The following TNFSF4 variants were observed in gnomAD, a reference collection of about 807,000 sequenced individuals.
TNFSF4 encodes the protein tumor necrosis factor ligand superfamily member 4.
Under a neutral mutation model 7.3 loss-of-function variants are expected in TNFSF4, and 4 were observed. The observed-to-expected ratio is 0.55, with a 90% confidence interval of 0.27 to 1.25. TNFSF4 has a LOEUF of 1.25. TNFSF4 is among the 50% of genes most tolerant of loss of function. The pLI is 0.12. For missense variants in TNFSF4, 181 were observed against 208.8 expected (o/e 0.87, Z 0.82); for synonymous variants, 76 against 83.7 (o/e 0.91, Z 0.50).
chr1:173,408,047 C>A, the TNFSF4 span, among the ~76,000 whole-genome samples: 373 of 152,254 alleles, frequency 2.4e-3, 3 homozygotes, highest in Non-Finnish European at 3.7e-3. Flanking sequence ...CCCAACCATG[C>A]TGGCACCCTC....
the TNFSF4 span, among the ~76,000 whole-genome samples, chr1:173,335,108 G>T: frequency 2.0e-4 from 31 of 152,088 alleles, no homozygotes; most frequent in Non-Finnish European, 4.0e-4. Flanking sequence ...TGCAGCTCAG[G>T]GAGTTAAGAA....
At chr1:173,351,621 A>C in the TNFSF4 span, 1 of 229,538 alleles carries the variant, frequency 4.4e-6, no homozygotes, top group East Asian at 9.3e-5. Flanking sequence ...CAAAGATACA[A>C]TGTACCATAA....
At chr1:173,326,039 C>G in the TNFSF4 span, among the ~76,000 whole-genome samples, 1 of 152,102 alleles carries the variant, frequency 6.6e-6, no homozygotes, top group Non-Finnish European at 1.5e-5. Flanking sequence ...ATCCTAATAC[C>G]AAAGCCTGGC....
chr1:173,292,791 T>A, the TNFSF4 span, among the ~76,000 whole-genome samples: 1 of 152,036 alleles, frequency 6.6e-6, no homozygotes, highest in South Asian at 2.1e-4. Flanking sequence ...ATTACTTCAA[T>A]AAGGTTTCAG....
At chr1:173,324,073 A>C in the TNFSF4 span, among the ~76,000 whole-genome samples, 1 of 152,322 alleles carries the variant, frequency 6.6e-6, no homozygotes, top group East Asian at 1.9e-4. Flanking sequence ...GATTCACCAA[A>C]GTTGAAATGA....
At chr1:173,387,842 A>G in the TNFSF4 span, among the ~76,000 whole-genome samples, 1 of 152,234 alleles carries the variant, frequency 6.6e-6, no homozygotes, top group African/African-American at 2.4e-5. Flanking sequence ...CATATTTTAA[A>G]GCCATAAAAT....
At chr1:173,205,284 G>T (rs1303536076) in intron 1 of TNFSF4, 1 of 1,611,360 alleles carries the variant, frequency 6.2e-7, no homozygotes. Flanking sequence ...GACTATAGAA[G>T]CTAATTCTCC....
At chr1:173,290,524 T>C in the TNFSF4 span, among the ~76,000 whole-genome samples, 4 of 152,130 alleles carry the variant, frequency 2.6e-5, no homozygotes, top group African/African-American at 9.7e-5. Flanking sequence ...AAGAGTTCAA[T>C]TCAACAAGAA....
the TNFSF4 span, among the ~76,000 whole-genome samples, chr1:173,243,536 A>G: frequency 6.6e-6 from 1 of 152,232 alleles, no homozygotes; most frequent in Non-Finnish European, 1.5e-5. Context: ...TGGATACATG[A>G]ACCTGTTGGT....
At chr1:173,419,145 C>T in the TNFSF4 span, among the ~76,000 whole-genome samples, 1 of 152,140 alleles carries the variant, frequency 6.6e-6, no homozygotes, top group Non-Finnish European at 1.5e-5. Flanking sequence ...CGAGACCATC[C>T]TGGCTAACAC....
chr1:173,238,080 A>G, the TNFSF4 span, among the ~76,000 whole-genome samples: 1 of 152,202 alleles, frequency 6.6e-6, no homozygotes, highest in Admixed American at 6.5e-5. Flanking sequence ...ATGGAACAGA[A>G]TAGACAGCCC....
chr1:173,298,827 G>A, the TNFSF4 span, among the ~76,000 whole-genome samples: 1 of 151,980 alleles, frequency 6.6e-6, no homozygotes, highest in African/African-American at 2.4e-5. Flanking sequence ...ATTTTGGTAA[G>A]GACCCAGGTC....
chr1:173,204,049 A>G (rs2102000657), intron 1 of TNFSF4, among the ~76,000 whole-genome samples: 1 of 152,360 alleles, frequency 6.6e-6, no homozygotes, highest in Middle Eastern at 3.4e-3. Context: ...TTGCTAATCC[A>G]GAATAGGTTA....
In TNFSF4 at chr1:173,186,309, A is replaced by G. The variant is rs1649221953; in HGVS notation, c.*207T>C. The G allele has an allele frequency of 2.0e-6, 1 of 499,318 alleles. No homozygotes were observed. The highest frequency in any genetic ancestry group is 3.5e-6 in the Non-Finnish European group (1 of 284,434). 30.9% of individuals were successfully genotyped at this position (499,318 alleles called of 1,614,324 possible). On this transcript the variant is annotated 3_prime_UTR_variant, in exon 3 of 3. Coordinates refer to ENST00000281834, the MANE Select transcript of TNFSF4 (RefSeq NM_003326.5). ...GTGACGGCTAGGCAATTTAGAAAAT[A>G]TAAGGATAAATAAGATTAACTGGTA...
At chr1:173,315,631 G>A in the TNFSF4 span, among the ~76,000 whole-genome samples, 3 of 152,090 alleles carry the variant, frequency 2.0e-5, no homozygotes, top group Admixed American at 1.3e-4. Context: ...GTGAGAAAAC[G>A]GAATCTTTGG....
the TNFSF4 span, among the ~76,000 whole-genome samples, chr1:173,411,466 T>C: frequency 6.6e-6 from 1 of 152,208 alleles, no homozygotes; most frequent in Non-Finnish European, 1.5e-5. Context: ...TCCATGAGGA[T>C]GTCATCTTGC....
At chr1:173,433,143 T>C in the TNFSF4 span, among the ~76,000 whole-genome samples, 1 of 152,194 alleles carries the variant, frequency 6.6e-6, no homozygotes, top group South Asian at 2.1e-4. Context: ...TCAGGAGTAC[T>C]AATTCACTAA....
chr1:173,436,283 T>A, the TNFSF4 span, among the ~76,000 whole-genome samples: 1 of 152,192 alleles, frequency 6.6e-6, no homozygotes, highest in Non-Finnish European at 1.5e-5. Flanking sequence ...CCTATCACAG[T>A]GGGCAACTGG....
At chr1:173,321,508 C>T in the TNFSF4 span, among the ~76,000 whole-genome samples, 2 of 152,082 alleles carry the variant, frequency 1.3e-5, no homozygotes, top group Middle Eastern at 3.4e-3. Flanking sequence ...AGCTTCTGTA[C>T]AGCAAAAGAA....
Sources: gnomAD v4.1 joint callset for allele counts (sites outside exome capture counted in the v4.1 genomes callset) on GRCh38, gnomAD v4.1.1 for gene constraint, MANE v1.5 for transcripts, NCBI Gene and HGNC (gene_info 2026-07-23, HGNC 2026-07-21) for gene names.